PSMG2: variants seen among roughly 807,000 people sequenced by gnomAD.
The protein encoded by PSMG2 is CD40 ligand-activated specific transcript 3.
PSMG2 carries 21 observed loss-of-function variants against 31.5 expected under a neutral mutation model. The observed-to-expected ratio is 0.67, with a 90% CI of 0.47 to 0.96. The LOEUF is 0.96. PSMG2 is among the 40% of genes least tolerant of loss of function. PSMG2 has a pLI of 0.00. For missense variants in PSMG2, 318 were observed against 321.2 expected (o/e 0.99, Z 0.08); for synonymous variants, 120 against 110.4 (o/e 1.09, Z -0.54).
At chr18:12,680,895 T>C in intron 1 of PSMG2, 2 of 1,348,896 alleles carry the variant, frequency 1.5e-6, no homozygotes, top group Admixed American at 4.5e-5. Context: ...ACTTAAATAC[T>C]AAATTATAAT....
chr18:12,697,254 C>T (rs1192218922), intron 1 of PSMG2: 7 of 1,613,560 alleles, frequency 4.3e-6, no homozygotes, highest in South Asian at 1.1e-5. Flanking sequence ...TCAGACTGGT[C>T]ACTCCATTTT....
At chr18:12,721,961 C>G (rs1192980241) in intron 5 of PSMG2, among the ~76,000 whole-genome samples, 1 of 152,082 alleles carries the variant, frequency 6.6e-6, no homozygotes, top group Non-Finnish European at 1.5e-5. Flanking sequence ...TCTCATTTCC[C>G]TTGTGTTTTT....
At chr18:12,677,872 ATTC>A (rs1459234092) in intron 1 of PSMG2, among the ~76,000 whole-genome samples, 1 of 152,224 alleles carries the variant, frequency 6.6e-6, no homozygotes, top group African/African-American at 2.4e-5. Flanking sequence ...CAAGTTCACC[ATTC>A]TTCATTTCTA....
chr18:12,662,060 T>C (rs1287660478), intron 1 of PSMG2: 1 of 368,384 alleles, frequency 2.7e-6, no homozygotes, highest in Non-Finnish European at 5.4e-6. Flanking sequence ...TGCTTCATAC[T>C]CTGGAGGTAC....
Position 12,718,596 on chromosome 18 carries a change from G to A in PSMG2, c.368G>A (p.Ser123Asn), listed in dbSNP as rs962100931. The change falls in exon 4 of 7, where the codon AGC (serine) becomes AAC (asparagine). Residue 123 changes from serine to asparagine, a missense_variant. Physicochemically the swap from Ser to Asn is conservative, Grantham distance 46. Coordinates refer to ENST00000317615, the MANE Select transcript of PSMG2 (RefSeq NM_020232.5). ...TGTGCCAGAGTCATTGTTCTTTCAA[G>A]CAGTCATTCATATCAGCGTAATGAT... The part of the protein sequence containing the change: ...SGCARVIVLS[S>N]SHSYQRNDLQ... 3.1e-6 allele frequency: 5 copies of A among 1,610,828 alleles called. No homozygotes were observed. The highest frequency in any genetic ancestry group is 4.2e-6 in the Non-Finnish European group (5 of 1,178,048).
At chr18:12,678,092 A>G in intron 1 of PSMG2, 6 of 1,582,660 alleles carry the variant, frequency 3.8e-6, no homozygotes, top group Non-Finnish European at 5.2e-6. Flanking sequence ...AACTACAACT[A>G]TTTCAGTGTG....
At chr18:12,694,260 T>C (rs1482672751) in intron 1 of PSMG2, among the ~76,000 whole-genome samples, 1 of 152,178 alleles carries the variant, frequency 6.6e-6, no homozygotes, top group African/African-American at 2.4e-5. Flanking sequence ...GGACATTGTT[T>C]GCCTGAGGGA....
At chr18:12,691,709 A>ATTTTTTTTT (rs537984227) in intron 1 of PSMG2, among the ~76,000 whole-genome samples, 1 of 140,300 alleles carries the variant, frequency 7.1e-6, no homozygotes, top group Non-Finnish European at 1.5e-5. Flanking sequence ...CAAAGACAGA[A>ATTTTTTTTT]TTTTTTTTTT....
intron 4 of PSMG2, among the ~76,000 whole-genome samples, chr18:12,719,018 ATG>A (rs2040404676): frequency 6.6e-6 from 1 of 152,212 alleles, no homozygotes; most frequent in South Asian, 2.1e-4. Context: ...TTATTTCCAT[ATG>A]TTACCTTGAA....
At chr18:12,699,121 C>T (rs1484942147), upstream of PSMG2, 3 of 1,614,002 alleles carry the variant, frequency 1.9e-6, no homozygotes, top group South Asian at 1.1e-5. Flanking sequence ...CAGGTAAAGG[C>T]TCAGGTTCTT....
At chr18:12,664,718 A>G (rs964573990) in intron 1 of PSMG2, among the ~76,000 whole-genome samples, 2 of 146,510 alleles carry the variant, frequency 1.4e-5, no homozygotes, top group African/African-American at 5.1e-5. Flanking sequence ...TTTTTTTTTA[A>G]GACGGGGTCT....
At chr18:12,702,185 T>G (rs1311219738), upstream of PSMG2, among the ~76,000 whole-genome samples, 1 of 152,136 alleles carries the variant, frequency 6.6e-6, no homozygotes, top group African/African-American at 2.4e-5. Context: ...CAACTTACAC[T>G]CGATCCGACT....
chr18:12,668,597 C>CAAAAACAAAAAA (rs2038855395), intron 1 of PSMG2, among the ~76,000 whole-genome samples: 1 of 72,836 alleles, frequency 1.4e-5, no homozygotes, highest in Non-Finnish European at 2.4e-5. Context: ...GATTCCATCT[C>CAAAAACAAAAAA]AAAAAAAAAA....
At chr18:12,705,604 T>TGTGTGTGTG (rs2040260258) in intron 1 of PSMG2, among the ~76,000 whole-genome samples, 1 of 148,640 alleles carries the variant, frequency 6.7e-6, no homozygotes, top group African/African-American at 2.5e-5. Context: ...TGTGTGTGTG[T>TGTGTGTGTG]TTAGTGTGAA....
At chr18:12,661,296 G>A (rs1021730067) in intron 1 of PSMG2, 1 of 839,862 alleles carries the variant, frequency 1.2e-6, no homozygotes, top group African/African-American at 1.8e-5. Context: ...TGACAAGAGT[G>A]AGCCTTCATC....
At chr18:12,673,359 T>C in intron 1 of PSMG2, 1 of 1,600,350 alleles carries the variant, frequency 6.2e-7, no homozygotes, top group Non-Finnish European at 8.5e-7. Flanking sequence ...TATATAAATA[T>C]TGGCCCTATA....
intron 2 of PSMG2, among the ~76,000 whole-genome samples, chr18:12,711,225 T>C (rs1369303256): frequency 6.6e-6 from 1 of 152,072 alleles, no homozygotes; most frequent in Non-Finnish European, 1.5e-5. Flanking sequence ...TGAGCCGATA[T>C]CGCACCACTG....
intron 1 of PSMG2, chr18:12,697,388 C>A (rs1346710907): frequency 5.0e-6 from 8 of 1,610,030 alleles, no homozygotes; most frequent in Non-Finnish European, 6.8e-6. Context: ...GTTGTTGAAT[C>A]AGCCATTCTA....
chr18:12,669,529 T>C (rs1006315751), intron 1 of PSMG2, among the ~76,000 whole-genome samples: 6 of 152,140 alleles, frequency 3.9e-5, no homozygotes, highest in Admixed American at 6.6e-5. Context: ...GTTTCTGATA[T>C]TTTTCTATTA....
Sources: gnomAD v4.1 joint callset for allele counts (sites outside exome capture counted in the v4.1 genomes callset) on GRCh38, gnomAD v4.1.1 for gene constraint, MANE v1.5 for transcripts, NCBI Gene and HGNC (gene_info 2026-07-23, HGNC 2026-07-21) for gene names.